Variants in ADM observed in about 807,000 individuals in gnomAD.
ADM encodes the protein pro-adrenomedullin.
ADM carries 4 observed loss-of-function variants against 9.0 expected under a neutral mutation model. That is an observed-to-expected ratio of 0.44 (90% CI 0.22 to 1.02). ADM has a LOEUF of 1.02. ADM is among the 50% of genes least tolerant of loss of function. The pLI is 0.24. For missense variants in ADM, 253 were observed against 254.1 expected (o/e 1.00, Z 0.03); for synonymous variants, 107 against 107.2 (o/e 1.00, Z 0.01).
At chr11:10,306,254 C>T (rs1591387899) in intron 3 of ADM, 78 bp from the exon 4 acceptor site, 2 of 1,560,540 alleles carry the variant, frequency 1.3e-6, no homozygotes, top group Non-Finnish European at 1.7e-6. Flanking sequence ...TAGAATGGCT[C>T]CCGTTCCCGG....
chr11:10,305,612 T>C, intron 1 of ADM, 68 bp from the exon 2 acceptor site: 2 of 1,436,042 alleles, frequency 1.4e-6, no homozygotes, highest in Non-Finnish European at 1.9e-6. Context: ...CTGCCCGCCC[T>C]CCGTGCCCCG....
chr11:10,305,333 G>T (rs1964641450), intron 1 of ADM, 104 bp downstream of exon 1: 1 of 238,354 alleles, frequency 4.2e-6, no homozygotes, highest in African/African-American at 2.3e-5. Flanking sequence ...CACTTTGGAG[G>T]GTTCTCTGAG....
At position 10,306,636 on chromosome 11, in the gene ADM, C is replaced by G. The variant is rs746665872; in HGVS notation, c.553C>G (p.Leu185Val). ...APPSGSAPHF[L>V] Reference sequence around the variant, plus strand: ...CCCGAGTGGAAGTGCTCCCCACTTTCTTTAGGATTTAGGCGCCCATGGTAC... The same window carrying G: ...CCCGAGTGGAAGTGCTCCCCACTTTGTTTAGGATTTAGGCGCCCATGGTAC... Residue 185 changes from leucine to valine, a missense_variant, in exon 4 of 4, where the codon CTT (leucine) becomes GTT (valine). By Grantham distance (32) the Leu-to-Val change is conservative. Coordinates refer to ENST00000278175, the MANE Select transcript of ADM (RefSeq NM_001124.3). The G allele has an allele frequency of 3.3e-6, 5 of 1,529,584 alleles. No homozygotes were observed. The South Asian group carries it at 6.4e-5, about 20-fold the overall frequency. 94.8% of individuals were successfully genotyped at this position (1,529,584 alleles called of 1,614,324 possible). A position where few individuals can be genotyped will look rare whatever the true frequency, so the allele number is the denominator to read the frequency against.
At position 10,306,842 on chromosome 11, in the gene ADM, C is replaced by A; in HGVS notation, c.*201C>A. The A allele has an allele frequency of 2.0e-6, 1 of 498,820 alleles. No homozygotes were observed. Among genetic ancestry groups the A allele is most frequent in the Non-Finnish European group, 3.5e-6 (1 of 289,648 alleles). 30.9% of individuals were successfully genotyped at this position (498,820 alleles called of 1,614,324 possible). A position where few individuals can be genotyped will look rare whatever the true frequency, so the allele number is the denominator to read the frequency against. ...GGGGCTTCGCTTCCTTAGCCTTGCT[C>A]AGGTGCAAGTGCCCCAGGGGGCGGG... On this transcript the variant is annotated 3_prime_UTR_variant, in exon 4 of 4. Transcript: ENST00000278175.
At chr11:10,305,857 G>A (rs778582912) in intron 2 of ADM, 59 bp downstream of exon 2, 7 of 1,612,072 alleles carry the variant, frequency 4.3e-6, no homozygotes, top group South Asian at 2.2e-5. Context: ...GGAACTGACC[G>A]TTGGTCCCGA....
In ADM at chr11:10,306,699, G is replaced by C. The variant is rs1964664528; in HGVS notation, c.*58G>C. The C allele has an allele frequency of 4.7e-6, 7 of 1,476,132 alleles. 1 individual carries two copies. In the South Asian group the frequency reaches 5.7e-5, roughly 12 times the overall value. 91.4% of individuals were successfully genotyped at this position (1,476,132 alleles called of 1,614,324 possible). A position where few individuals can be genotyped will look rare whatever the true frequency, so the allele number is the denominator to read the frequency against. On this transcript the variant is annotated 3_prime_UTR_variant, in exon 4 of 4. Transcript: ENST00000278175. ...CGCAAGCATCCCGCTGGTGCCTCCC[G>C]GGACGAAGGACTTCCCGAGCGGTGT... is the stretch of plus-strand genomic sequence containing the variant.
At chr11:10,306,251 G>C (rs904900719) in intron 3 of ADM, 81 bp from the exon 4 acceptor site, 31 of 1,556,740 alleles carry the variant, frequency 2.0e-5, no homozygotes, top group Non-Finnish European at 2.6e-5. Flanking sequence ...CTCTAGAATG[G>C]CTCCCGTTCC....
In ADM at chr11:10,307,385, G is replaced by A. The variant is rs1964674632; in HGVS notation, c.*744G>A. 1 of 152,640 alleles carries A rather than the reference G, an allele frequency of 6.6e-6. No individual in the cohort carries two copies. Among genetic ancestry groups the A allele is most frequent in the South Asian group, 2.1e-4 (1 of 4,830 alleles). The allele number at this position is 152,640 out of a possible 1,614,324, so 9.5% of individuals were successfully genotyped here. ...TATGCGAACAGCAAACCAATAAACT[G>A]TCTCAATGCTGATTCATTCTCTCGG... On this transcript the variant is annotated 3_prime_UTR_variant, in exon 4 of 4. Coordinates refer to ENST00000278175, the MANE Select transcript of ADM (RefSeq NM_001124.3). This position sits in a 1 kb window ranked among gnomAD's most constrained non-coding sequence, Gnocchi z 4.5.
Position 10,306,758 on chromosome 11 carries a change from T to A in ADM, c.*117T>A. On this transcript the variant is annotated 3_prime_UTR_variant, in exon 4 of 4. Transcript: ENST00000278175. ...GGCTCTGACAGCCCTGCGGAGACCCTGAGTCCGGGAGGCACCGTCCGGCGG... is the reference window on the plus strand; with the variant it reads ...GGCTCTGACAGCCCTGCGGAGACCCAGAGTCCGGGAGGCACCGTCCGGCGG... 1 of 1,112,376 alleles carries A rather than the reference T, an allele frequency of 9.0e-7. No homozygotes were observed. The highest frequency in any genetic ancestry group is 1.2e-6 in the Non-Finnish European group (1 of 808,646). 68.9% of individuals were successfully genotyped at this position (1,112,376 alleles called of 1,614,324 possible). A position where few individuals can be genotyped will look rare whatever the true frequency, so the allele number is the denominator to read the frequency against.
Position 10,306,425 on chromosome 11 carries a change from G to A in ADM, c.342G>A (p.Thr114=). ...GGAGCTTTGGCTGCCGCTTCGGGAC[G>A]TGCACGGTGCAGAAGCTGGCACACC... ...GLRSFGCRFG[T]CTVQKLAHQI... Residue 114 remains threonine, a synonymous_variant, in exon 4 of 4, where the codon ACG becomes ACA. Coordinates refer to ENST00000278175, the MANE Select transcript of ADM (RefSeq NM_001124.3). 1 of 1,612,970 alleles carries A rather than the reference G, an allele frequency of 6.2e-7. No individual in the cohort carries two copies. The highest frequency in any genetic ancestry group is 1.1e-5 in the South Asian group (1 of 91,048).
At position 10,305,767 on chromosome 11, in the gene ADM, C is replaced by A. The variant is rs758847030; in HGVS notation, c.67C>A (p.Arg23=). 1.9e-6 allele frequency: 3 copies of A among 1,614,148 alleles called. No homozygotes were observed. Among genetic ancestry groups the A allele is most frequent in the East Asian group, 2.2e-5 (1 of 44,872 alleles). The change falls in exon 2 of 4, where the codon CGG becomes AGG. Residue 23 remains arginine, a synonymous_variant. Coordinates refer to ENST00000278175, the MANE Select transcript of ADM (RefSeq NM_001124.3). ...SLAFLGADTA[R]LDVASEFRKK... The stretch of plus-strand genomic sequence containing the variant: ...CGCCTTCCTAGGCGCTGACACCGCT[C>A]GGTTGGATGTCGCGTCGGAGTTTCG...
Position 10,306,034 on chromosome 11 carries a change from G to A in ADM, c.184G>A (p.Gly62Arg). 1 of 1,614,044 alleles carries A rather than the reference G, an allele frequency of 6.2e-7. No homozygotes were observed. Among genetic ancestry groups the A allele is most frequent in the Non-Finnish European group, 8.5e-7 (1 of 1,180,022 alleles). Residue 62 changes from glycine (G) to arginine (R), a missense_variant, in exon 3 of 4, where the codon GGG becomes AGG. By Grantham distance (125) the Gly-to-Arg change is moderately radical. Transcript: ENST00000278175. ...YPTGLADVKA[G>R]PAQTLIRPQD... ...CACCGGGCTCGCTGACGTGAAGGCC[G>A]GGCCTGCCCAGACCCTTATTCGGCC...
rs981836242 is a variant in ADM at position 10,306,859 on chromosome 11, G to A, written c.*218G>A. On this transcript the variant is annotated 3_prime_UTR_variant, in exon 4 of 4. Transcript: ENST00000278175. ...GCCTTGCTCAGGTGCAAGTGCCCCA[G>A]GGGGCGGGGTGCAGAAGAATCCGAG... is the stretch of plus-strand genomic sequence containing the variant. 15 of 468,464 alleles carry A rather than the reference G, an allele frequency of 3.2e-5. No homozygotes were observed. The highest frequency in any genetic ancestry group is 2.6e-4 in the African/African-American group (13 of 49,182). The allele number at this position is 468,464 out of a possible 1,614,324, so 29.0% of individuals were successfully genotyped here. A position where few individuals can be genotyped will look rare whatever the true frequency, so the allele number is the denominator to read the frequency against.
chr11:10,306,716 G>T lies in ADM; in HGVS notation c.*75G>T. 1.4e-6 allele frequency: 2 copies of T among 1,432,668 alleles called. No individual in the cohort carries two copies. The highest frequency in any genetic ancestry group is 1.9e-6 in the Non-Finnish European group (2 of 1,072,562). 88.7% of individuals were successfully genotyped at this position (1,432,668 alleles called of 1,614,324 possible). A position where few individuals can be genotyped will look rare whatever the true frequency, so the allele number is the denominator to read the frequency against. On this transcript the variant is annotated 3_prime_UTR_variant, in exon 4 of 4. Transcript: ENST00000278175. ...TGCCTCCCGGGACGAAGGACTTCCCGAGCGGTGTGGGGACCGGGCTCTGAC... is the reference window on the plus strand; with the variant it reads ...TGCCTCCCGGGACGAAGGACTTCCCTAGCGGTGTGGGGACCGGGCTCTGAC...
rs1396269493 is a variant in ADM at position 10,306,608 on chromosome 11, C to T, written c.525C>T (p.Ala175=). ...AGCCACAAGCACACGGGGCTCCAGC[C>T]CCCCCGAGTGGAAGTGCTCCCCACT... is the stretch of plus-strand genomic sequence containing the variant. ...SSKPQAHGAP[A]PPSGSAPHFL Residue 175 remains alanine (A), a synonymous_variant, in exon 4 of 4, where the codon GCC becomes GCT. Coordinates refer to ENST00000278175, the MANE Select transcript of ADM (RefSeq NM_001124.3). The T allele has an allele frequency of 2.6e-6, 4 of 1,567,410 alleles. No individual in the cohort carries two copies. Among genetic ancestry groups the T allele is most frequent in the Non-Finnish European group, 3.5e-6 (4 of 1,159,106 alleles).
rs1486221830 is a variant in ADM, at chr11:10,306,063, G to C, written c.213G>C (p.Gln71His). The C allele has an allele frequency of 1.2e-6, 2 of 1,614,044 alleles. No homozygotes were observed. The highest frequency in any genetic ancestry group is 1.7e-6 in the Non-Finnish European group (2 of 1,180,022). The part of the protein sequence containing the change: ...AGPAQTLIRP[Q>H]DMKGASRSPE... ...CTGCCCAGACCCTTATTCGGCCCCAGGACATGAAGGGTGCCTCTCGAAGCC... is the reference window on the plus strand; with the variant it reads ...CTGCCCAGACCCTTATTCGGCCCCACGACATGAAGGGTGCCTCTCGAAGCC... The change falls in exon 3 of 4, where the codon CAG (glutamine) becomes CAC (histidine). Residue 71 changes from glutamine to histidine, a missense_variant. Transcript: ENST00000278175.
rs761874343 is a variant in ADM at position 10,306,552 on chromosome 11, G to A, written c.469G>A (p.Ala157Thr). 1 of 1,605,412 alleles carries A rather than the reference G, an allele frequency of 6.2e-7. No individual in the cohort carries two copies. The highest frequency in any genetic ancestry group is 2.2e-5 in the East Asian group (1 of 44,680). The change falls in exon 4 of 4, where the codon GCC (alanine) becomes ACC (threonine). Residue 157 changes from alanine to threonine, a missense_variant. Physicochemically the swap from Ala to Thr is moderately conservative, Grantham distance 58. Transcript: ENST00000278175. ...GRRRRRSLPE[A>T]GPGRTLVSSK... ...CCGGCGCCGGCGCTCCCTGCCCGAG[G>A]CCGGCCCGGGTCGGACTCTGGTGTC...
intron 1 of ADM, 126 bp downstream of exon 1, chr11:10,305,355 C>T (rs545015719): frequency 2.7e-5 from 9 of 328,754 alleles, no homozygotes; most frequent in South Asian, 2.5e-4. Context: ...GATAGATACA[C>T]CCCATATCCT....
In ADM at chr11:10,306,902, G is replaced by T; in HGVS notation, c.*261G>T. 5.1e-6 allele frequency: 2 copies of T among 388,624 alleles called. No individual in the cohort carries two copies. Among genetic ancestry groups the T allele is most frequent in the Non-Finnish European group, 9.1e-6 (2 of 219,100 alleles). 24.1% of individuals were successfully genotyped at this position (388,624 alleles called of 1,614,324 possible). A position where few individuals can be genotyped will look rare whatever the true frequency, so the allele number is the denominator to read the frequency against. Reference sequence around the variant, plus strand: ...AATCCGAGTGTTTGCCAGGCTTAAGGAGAGGAGAAACTGAGAAATGAATGC... The same window carrying T: ...AATCCGAGTGTTTGCCAGGCTTAAGTAGAGGAGAAACTGAGAAATGAATGC... On this transcript the variant is annotated 3_prime_UTR_variant, in exon 4 of 4. Transcript: ENST00000278175.
Sources: allele counts gnomAD v4.1 joint callset, GRCh38; gene constraint gnomAD v4.1.1; non-coding constraint Gnocchi (gnomAD v3.1); transcripts MANE v1.5; gene names NCBI Gene and HGNC (gene_info 2026-07-23, HGNC 2026-07-21).